ADAM29: variants seen among roughly 807,000 people sequenced by gnomAD.
ADAM29 encodes disintegrin and metalloproteinase domain-containing protein 29.
For synonymous variants in ADAM29, 367 were observed against 342.3 expected (o/e 1.07, Z -0.80); for missense variants, 969 against 1,001.8 (o/e 0.97, Z 0.44).
At chr4:174,961,857 A>G (rs1179978992) in intron 4 of ADAM29, among the ~76,000 whole-genome samples, 1 of 152,136 alleles carries the variant, frequency 6.6e-6, no homozygotes, top group Non-Finnish European at 1.5e-5. Context: ...CTCCATAAAG[A>G]TTTCACTGGC....
At chr4:174,941,474 G>A (rs1744532430) in intron 4 of ADAM29, among the ~76,000 whole-genome samples, 1 of 152,160 alleles carries the variant, frequency 6.6e-6, no homozygotes, top group Non-Finnish European at 1.5e-5. Context: ...TCACATAGCT[G>A]GGGAGGCCTC....
intron 4 of ADAM29, among the ~76,000 whole-genome samples, chr4:174,969,734 T>A (rs1248522519): frequency 6.6e-6 from 1 of 152,114 alleles, no homozygotes; most frequent in Non-Finnish European, 1.5e-5. Flanking sequence ...TCAGTTAATA[T>A]CCTTTGAAAA....
rs759058388 is a variant in ADAM29, at chr4:174,978,113, A to C, written c.*125A>C. On this transcript the variant is annotated 3_prime_UTR_variant, in exon 5 of 5. Transcript: ENST00000359240. ...CCTTACCGGAGTAAAAGTGGTAAAC[A>C]AAAGCAATCAGTACCAATTCCAAAA... 1.4e-6 allele frequency: 2 copies of C among 1,464,710 alleles called. No individual in the cohort carries two copies. The highest frequency in any genetic ancestry group is 2.1e-5 in the Admixed American group (1 of 47,210). The allele number at this position is 1,464,710 out of a possible 1,614,324, so 90.7% of individuals were successfully genotyped here.
At chr4:174,926,695 C>T (rs1743537746) in intron 2 of ADAM29, among the ~76,000 whole-genome samples, 1 of 145,424 alleles carries the variant, frequency 6.9e-6, no homozygotes, top group African/African-American at 2.6e-5. Flanking sequence ...TGCTCTCCAG[C>T]CTAGGTGACA....
intron 4 of ADAM29, among the ~76,000 whole-genome samples, chr4:174,959,514 A>G (rs554626156): frequency 4.7e-5 from 7 of 150,330 alleles, no homozygotes; most frequent in Non-Finnish European, 7.5e-5. Context: ...TGAATGAAAT[A>G]TTTACCCTGC....
chr4:174,948,657 G>A (rs1366839956), intron 4 of ADAM29, among the ~76,000 whole-genome samples: 1 of 152,232 alleles, frequency 6.6e-6, no homozygotes, highest in Non-Finnish European at 1.5e-5. Flanking sequence ...TGTGCCAGCA[G>A]CTGCAGCAGC....
intron 4 of ADAM29, among the ~76,000 whole-genome samples, chr4:174,961,453 T>C (rs1745816496): frequency 6.6e-6 from 1 of 152,028 alleles, no homozygotes; most frequent in Admixed American, 6.6e-5. Context: ...AAAATTATAA[T>C]GACCCACATA....
rs1286023799 is a variant in ADAM29 at position 174,975,899 on chromosome 4, G to A, written c.374G>A (p.Gly125Glu). The A allele has an allele frequency of 6.2e-7, 1 of 1,613,424 alleles. No homozygotes were observed. Among genetic ancestry groups the A allele is most frequent in the Non-Finnish European group, 8.5e-7 (1 of 1,179,826 alleles). ...AGTACCTGTTTTGGGGGTTTTCAAG[G>A]AATATTACAGATAAATGACTTTGCT... Reference protein sequence around the residue: ...SLSTCFGGFQGILQINDFAYE... With the variant: ...SLSTCFGGFQEILQINDFAYE... The change falls in exon 5 of 5, where the codon GGA becomes GAA. Residue 125 changes from glycine to glutamate, a missense_variant. Physicochemically the swap from Gly to Glu is moderately conservative, Grantham distance 98. Transcript: ENST00000359240.
At chr4:174,974,473 T>C (rs1006765493) in intron 4 of ADAM29, among the ~76,000 whole-genome samples, 1 of 152,214 alleles carries the variant, frequency 6.6e-6, no homozygotes, top group African/African-American at 2.4e-5. Context: ...CAGAGTCTTT[T>C]TGTTGTTGTC....
intron 4 of ADAM29, among the ~76,000 whole-genome samples, chr4:174,937,509 G>T (rs1744270389): frequency 6.6e-6 from 1 of 151,852 alleles, no homozygotes; most frequent in Admixed American, 6.6e-5. Context: ...AACATCTGTA[G>T]TCAGACCAGG....
In ADAM29 at chr4:174,931,082, C is replaced by G. The variant is rs544637922; in HGVS notation, c.-354C>G. ...CATAACTCGTCAATACTCCTGTGAT[C>G]GTATAACCATCAGCAAGAAAACAAA... On this transcript the variant is annotated 5_prime_UTR_variant, in exon 3 of 5. In the 5' UTR this introduces an upstream ATG that the reference lacks. Transcript: ENST00000359240. The G allele has an allele frequency of 6.6e-6, 1 of 152,118 alleles. No individual in the cohort carries two copies. Among genetic ancestry groups the G allele is most frequent in the African/African-American group, 2.4e-5 (1 of 41,420 alleles). The allele number at this position is 152,118 out of a possible 1,614,324, so 9.4% of individuals were successfully genotyped here.
intron 4 of ADAM29, among the ~76,000 whole-genome samples, chr4:174,950,684 A>C (rs1174714267): frequency 2.0e-5 from 3 of 152,206 alleles, no homozygotes; most frequent in African/African-American, 7.2e-5. Context: ...ACACACATGC[A>C]TGTGTATATA....
chr4:174,942,990 T>C (rs1174881352), intron 4 of ADAM29, among the ~76,000 whole-genome samples: 2 of 152,232 alleles, frequency 1.3e-5, no homozygotes, highest in African/African-American at 4.8e-5. Context: ...TTCTGTCAGA[T>C]ACTTTAAATC....
intron 3 of ADAM29, among the ~76,000 whole-genome samples, chr4:174,936,268 G>T (rs990975441): frequency 1.3e-5 from 2 of 151,908 alleles, no homozygotes; most frequent in African/African-American, 4.8e-5. Context: ...AAAAGTGAAA[G>T]AAGTTTTTGA....
chr4:174,919,343 C>A (rs560984604), intron 1 of ADAM29, among the ~76,000 whole-genome samples: 2 of 152,208 alleles, frequency 1.3e-5, no homozygotes, highest in African/African-American at 4.8e-5. Context: ...TCACTATAGC[C>A]AACAATGGGT....
chr4:174,928,208 G>A (rs983598067), intron 2 of ADAM29, among the ~76,000 whole-genome samples: 1 of 152,018 alleles, frequency 6.6e-6, no homozygotes, highest in Non-Finnish European at 1.5e-5. Flanking sequence ...AGTCCTGCCG[G>A]GCTACCTCCT....
chr4:174,927,539 G>C (rs1743590260), intron 2 of ADAM29, among the ~76,000 whole-genome samples: 1 of 152,116 alleles, frequency 6.6e-6, no homozygotes, highest in African/African-American at 2.4e-5. Flanking sequence ...TATCTAAGTA[G>C]TAAATTTTCT....
chr4:174,938,350 C>T (rs1428302934), intron 4 of ADAM29, among the ~76,000 whole-genome samples: 4 of 151,998 alleles, frequency 2.6e-5, no homozygotes, highest in Non-Finnish European at 4.4e-5. Flanking sequence ...AAATTCTGTT[C>T]CTAAGTCCAG....
In ADAM29 at chr4:174,931,024, T is replaced by G. The variant is rs1290291532; in HGVS notation, c.-412T>G. On this transcript the variant is annotated 5_prime_UTR_variant, in exon 3 of 5. Transcript: ENST00000359240. Reference sequence around the variant, plus strand: ...ACATTCTCCCTGCAGTCTCACGAACTGTGAACAAAAACTGAAGTGAAAACT... The same window carrying G: ...ACATTCTCCCTGCAGTCTCACGAACGGTGAACAAAAACTGAAGTGAAAACT... 2.0e-5 allele frequency: 3 copies of G among 152,146 alleles called. No individual in the cohort carries two copies. The highest frequency in any genetic ancestry group is 2.9e-5 in the Non-Finnish European group (2 of 68,036). 9.4% of individuals were successfully genotyped at this position (152,146 alleles called of 1,614,324 possible).
Sources: gnomAD v4.1 joint callset for allele counts (sites outside exome capture counted in the v4.1 genomes callset) on GRCh38, gnomAD v4.1.1 for gene constraint, MANE v1.5 for transcripts, NCBI Gene and HGNC (gene_info 2026-07-23, HGNC 2026-07-21) for gene names.